Variants in DLG2 observed in about 807,000 individuals in gnomAD.
DLG2 encodes disks large homolog 2.
A neutral mutation model predicts 132.5 loss-of-function variants in DLG2; 45 were observed. The ratio of observed to expected loss-of-function variants is 0.34; its 90% CI spans 0.27 to 0.44. The LOEUF is 0.44. Ranked by LOEUF, DLG2 falls within the 20% of genes least tolerant of loss-of-function variation. The pLI, the probability that DLG2 is intolerant of heterozygous loss-of-function variation, is 1.00. For missense variants in DLG2, 1,045 were observed against 1,196.9 expected (o/e 0.87, Z 1.87); for synonymous variants, 424 against 419.6 (o/e 1.01, Z -0.13).
chr11:84,385,856 A>G (rs2098767839), intron 7 of DLG2, among the ~76,000 whole-genome samples: 1 of 152,076 alleles, frequency 6.6e-6, no homozygotes, highest in Admixed American at 6.5e-5. Context: ...TGTGTTTCCT[A>G]TTTAGAAGGG....
intron 4 of DLG2, among the ~76,000 whole-genome samples, chr11:85,258,272 C>A (rs2076768605): frequency 1.3e-5 from 2 of 152,030 alleles, no homozygotes; most frequent in Non-Finnish European, 2.9e-5. Context: ...TATTTCTTAT[C>A]CCTCTAAAAC....
chr11:85,437,089 G>T (rs1247450169), intron 3 of DLG2, among the ~76,000 whole-genome samples: 1 of 152,188 alleles, frequency 6.6e-6, no homozygotes, highest in Non-Finnish European at 1.5e-5. Context: ...TCATAAGTGG[G>T]AGTTGAATAC....
chr11:84,983,740 T>A lies in DLG2; in HGVS notation c.357+127921A>T, dbSNP rs780067826. ...CAAAGCCTAATTTAAGGAAATTTTTTAAAAAATAATACAAGAAGTGAAGGA... is the reference window on the plus strand; with the variant it reads ...CAAAGCCTAATTTAAGGAAATTTTTAAAAAAATAATACAAGAAGTGAAGGA... On this transcript the variant is annotated intron_variant, in intron 6 of 27. Coordinates refer to ENST00000376104, the MANE Select transcript of DLG2 (RefSeq NM_001142699.3). Among the ~76,000 whole-genome samples, 110 of 152,200 alleles carry A rather than the reference T, an allele frequency of 7.2e-4. 1 individual carries two copies. The highest frequency in any genetic ancestry group is 2.1e-3 in the African/African-American group (86 of 41,530).
intron 6 of DLG2, among the ~76,000 whole-genome samples, chr11:84,876,239 G>A (rs1217156321): frequency 5.9e-5 from 9 of 152,180 alleles, no homozygotes; most frequent in Admixed American, 5.9e-4. Context: ...AAATTGTTTG[G>A]AATAGTTTCA....
chr11:84,286,569 A>T (rs1019215130), intron 7 of DLG2, among the ~76,000 whole-genome samples: 4 of 152,174 alleles, frequency 2.6e-5, no homozygotes, highest in Admixed American at 2.0e-4. Flanking sequence ...GAAAAATCTC[A>T]TTTGAAAATG....
chr11:85,592,437 C>T (rs1385566667), intron 3 of DLG2, among the ~76,000 whole-genome samples: 1 of 152,124 alleles, frequency 6.6e-6, no homozygotes, highest in African/African-American at 2.4e-5. Flanking sequence ...GAAGCACATG[C>T]TTTGAGATTG....
intron 21 of DLG2, among the ~76,000 whole-genome samples, chr11:83,529,575 CTT>C (rs34500178): frequency 6.7e-6 from 1 of 149,082 alleles, no homozygotes; most frequent in African/African-American, 2.4e-5. Flanking sequence ...TCATGGCACT[CTT>C]TTTTTTTTTC....
At chr11:85,613,543 T>C (rs957760155) in intron 2 of DLG2, among the ~76,000 whole-genome samples, 1 of 152,150 alleles carries the variant, frequency 6.6e-6, no homozygotes, top group African/African-American at 2.4e-5. Flanking sequence ...GGATTGTAAA[T>C]GCACCAATCA....
intron 11 of DLG2, among the ~76,000 whole-genome samples, chr11:83,981,987 G>T (rs1044143190): frequency 6.6e-6 from 1 of 152,178 alleles, no homozygotes; most frequent in African/African-American, 2.4e-5. Flanking sequence ...ATGGAGCTGA[G>T]AAATGGCTAT....
intron 6 of DLG2, among the ~76,000 whole-genome samples, chr11:84,755,165 T>C (rs905650282): frequency 1.3e-5 from 2 of 152,192 alleles, no homozygotes; most frequent in African/African-American, 4.8e-5. Flanking sequence ...ACCCTAGATG[T>C]TACAGTGAAT....
At chr11:85,454,833 A>G (rs1221795796) in intron 3 of DLG2, among the ~76,000 whole-genome samples, 1 of 152,042 alleles carries the variant, frequency 6.6e-6, no homozygotes, top group African/African-American at 2.4e-5. Context: ...GGAAGATCAG[A>G]TAGTTTTAGG....
chr11:84,350,284 T>A lies in DLG2; in HGVS notation c.520-98993A>T, dbSNP rs184842923. ...TAACAGGAATGTCCCAGGGGCTTCA[T>A]GAACCTCTTGAAATTACATTTAAAA... On this transcript the variant is annotated intron_variant, in intron 7 of 27. Transcript: ENST00000376104. Among the ~76,000 whole-genome samples, 340 of 151,982 alleles carry A rather than the reference T, an allele frequency of 2.2e-3. 2 individuals are homozygous for A. The highest frequency in any genetic ancestry group is 7.9e-3 in the African/African-American group (328 of 41,444).
At chr11:85,549,921 C>A (rs11602482) in intron 3 of DLG2, among the ~76,000 whole-genome samples, 3,382 of 152,284 alleles carry the variant, frequency 0.022, 46 homozygotes, top group Middle Eastern at 0.038. Context: ...CTGGGAATTG[C>A]CCACCCCTTT....
intron 8 of DLG2, among the ~76,000 whole-genome samples, chr11:84,244,840 G>T (rs1203411851): frequency 6.6e-6 from 1 of 152,156 alleles, no homozygotes; most frequent in Non-Finnish European, 1.5e-5. Flanking sequence ...CTGCCAGGAT[G>T]GTTCAAAGGA....
At chr11:84,317,284 A>T (rs2098370344) in intron 7 of DLG2, 5 of 1,463,450 alleles carry the variant, frequency 3.4e-6, no homozygotes, top group Admixed American at 2.6e-5. Flanking sequence ...TGCTATAAGC[A>T]GTGCATCGTG....
intron 18 of DLG2, among the ~76,000 whole-genome samples, chr11:83,713,129 T>A (rs943524652): frequency 6.6e-6 from 1 of 152,200 alleles, no homozygotes; most frequent in East Asian, 1.9e-4. Context: ...TTTCCTCCTT[T>A]AATCTTTTTA....
At position 84,400,768 on chromosome 11, in the gene DLG2, T is replaced by G. The variant is rs192539172; in HGVS notation, c.519+133802A>C. On this transcript the variant is annotated intron_variant, in intron 7 of 27. Coordinates refer to ENST00000376104, the MANE Select transcript of DLG2 (RefSeq NM_001142699.3). Reference sequence around the variant, plus strand: ...TAGACAGCAGATTTAGACATTGCTTTTTTTGTATGTTTAAGGATTTTTCCC... The same window carrying G: ...TAGACAGCAGATTTAGACATTGCTTGTTTTGTATGTTTAAGGATTTTTCCC... Among the ~76,000 whole-genome samples the G allele has an allele frequency of 1.1e-3, 171 of 152,296 alleles. 2 individuals carry two copies. Among genetic ancestry groups the G allele is most frequent in the African/African-American group, 3.8e-3 (158 of 41,564 alleles).
At chr11:84,582,146 A>G (rs2099518069) in intron 6 of DLG2, among the ~76,000 whole-genome samples, 1 of 151,772 alleles carries the variant, frequency 6.6e-6, no homozygotes, top group South Asian at 2.1e-4. Context: ...ATTCTATCTG[A>G]CAAGCTGAAT....
In DLG2 at chr11:83,738,980, G is replaced by A. The variant is rs1244696806; in HGVS notation, c.1825+47710C>T. Reference sequence around the variant, plus strand: ...TGGGGGATAAGCAGAGCTCAGTTAAGTGTGCATGATGGTTCAAATGGTTCT... The same window carrying A: ...TGGGGGATAAGCAGAGCTCAGTTAAATGTGCATGATGGTTCAAATGGTTCT... On this transcript the variant is annotated intron_variant, in intron 18 of 27. Coordinates refer to ENST00000376104, the MANE Select transcript of DLG2 (RefSeq NM_001142699.3). 3.9e-5 allele frequency among the ~76,000 whole-genome samples: 6 copies of A among 152,246 alleles called. No individual in the cohort carries two copies. In the South Asian group the frequency reaches 8.3e-4, roughly 21 times the overall value.
Sources: allele counts gnomAD v4.1 joint callset (sites outside exome capture counted in the v4.1 genomes callset), GRCh38; gene constraint gnomAD v4.1.1; transcripts MANE v1.5; gene names NCBI Gene and HGNC (gene_info 2026-07-23, HGNC 2026-07-21).